PTPRN2: variants seen among roughly 807,000 people sequenced by gnomAD.
PTPRN2 encodes the protein protein tyrosine phosphatase receptor type N2.
PTPRN2 carries 74 observed loss-of-function variants against 118.8 expected under a neutral mutation model. That is an observed-to-expected ratio of 0.62 (90% CI 0.52 to 0.76). PTPRN2 has a LOEUF of 0.76. Ranked by LOEUF, PTPRN2 falls within the 30% of genes least tolerant of loss-of-function variation. The pLI is 0.00. For synonymous variants in PTPRN2, 641 were observed against 608.0 expected (o/e 1.05, Z -0.80); for missense variants, 1,481 against 1,394.4 (o/e 1.06, Z -0.99).
rs1820998319 is a variant in PTPRN2 at position 158,151,064 on chromosome 7, CCTTT to C, written c.911-12553_911-12550del. ...TGCCCCTGCCTGCCCACACTGCCCG[CCTTT>C]CCACTCTTGCCCCTGCCTGCCCAAA... On this transcript the variant is annotated intron_variant, in intron 6 of 22. Transcript: ENST00000389418. 4.1e-5 allele frequency among the ~76,000 whole-genome samples: 5 copies of C among 121,026 alleles called. 1 individual carries two copies. The highest frequency in any genetic ancestry group is 9.9e-5 in the African/African-American group (3 of 30,454). 79.4% of individuals were successfully genotyped at this position (121,026 alleles called of 152,430 possible). A position where few individuals can be genotyped will look rare whatever the true frequency, so the allele number is the denominator to read the frequency against.
chr7:158,560,859 T>A (rs1043120270), intron 1 of PTPRN2, among the ~76,000 whole-genome samples: 3 of 152,262 alleles, frequency 2.0e-5, no homozygotes, highest in African/African-American at 7.2e-5. Context: ...CCCAGCAGGG[T>A]ACAGGTTAAA....
chr7:157,980,223 G>C (rs1397131976), intron 11 of PTPRN2, among the ~76,000 whole-genome samples: 1 of 152,222 alleles, frequency 6.6e-6, no homozygotes, highest in Non-Finnish European at 1.5e-5. Context: ...TGCAGGCTGA[G>C]ATGCAAACTT....
rs1803808239 is a variant in PTPRN2 at position 157,629,518 on chromosome 7, C to T, written c.2197-8009G>A. Among the ~76,000 whole-genome samples the T allele has an allele frequency of 1.3e-5, 2 of 152,144 alleles. No homozygotes were observed. Among genetic ancestry groups the T allele is most frequent in the African/African-American group, 2.4e-5 (1 of 41,438 alleles). On this transcript the variant is annotated intron_variant, in intron 14 of 22. Transcript: ENST00000389418. The surrounding 1 kb of genome is among the most constrained non-coding windows in gnomAD (Gnocchi z 4.4). Reference sequence around the variant, plus strand: ...TATTTAAAAATGAGCAAAAGCCGGTCCATCTGGCATTATTTCTCATCAATC... The same window carrying T: ...TATTTAAAAATGAGCAAAAGCCGGTTCATCTGGCATTATTTCTCATCAATC...
At chr7:158,302,236 G>GT (rs1563106643) in intron 3 of PTPRN2, among the ~76,000 whole-genome samples, 1 of 152,156 alleles carries the variant, frequency 6.6e-6, no homozygotes, top group East Asian at 1.9e-4. Flanking sequence ...TGAGGGCTAG[G>GT]GGTTAGCCGC....
Position 157,987,305 on chromosome 7 carries a change from G to T in PTPRN2, c.1724-88568C>A, listed in dbSNP as rs1803876215. On this transcript the variant is annotated intron_variant, in intron 11 of 22. Coordinates refer to ENST00000389418, the MANE Select transcript of PTPRN2 (RefSeq NM_002847.5). This position sits in a 1 kb window ranked among gnomAD's most constrained non-coding sequence, Gnocchi z 4.3. ...GGGGGCAAGATGACCGGTCACTAAA[G>T]GGGGCGAGGTTACCAGTCACTAAAG... Among the ~76,000 whole-genome samples, 1 of 151,362 alleles carries T rather than the reference G, an allele frequency of 6.6e-6. No individual in the cohort carries two copies. Among genetic ancestry groups the T allele is most frequent in the South Asian group, 2.1e-4 (1 of 4,722 alleles).
Position 158,319,511 on chromosome 7 carries a change from A to C in PTPRN2, c.164-2579T>G, listed in dbSNP as rs1306580417. Among the ~76,000 whole-genome samples the C allele has an allele frequency of 7.0e-5, 5 of 71,318 alleles. 1 individual carries two copies. The highest frequency in any genetic ancestry group is 1.6e-4 in the Admixed American group (1 of 6,160). 46.8% of individuals were successfully genotyped at this position (71,318 alleles called of 152,430 possible). ...CCTCACACTCACACAGCCTCCCCCC[A>C]CACACACAGCCTCCCTCACACACAC... On this transcript the variant is annotated intron_variant, in intron 2 of 22. Coordinates refer to ENST00000389418, the MANE Select transcript of PTPRN2 (RefSeq NM_002847.5).
chr7:158,342,705 A>G lies in PTPRN2; in HGVS notation c.164-25773T>C, dbSNP rs116408203. Among the ~76,000 whole-genome samples, 721 of 152,316 alleles carry G rather than the reference A, an allele frequency of 4.7e-3. 9 individuals are homozygous for G. The highest frequency in any genetic ancestry group is 0.015 in the African/African-American group (631 of 41,560). On this transcript the variant is annotated intron_variant, in intron 2 of 22. Coordinates refer to ENST00000389418, the MANE Select transcript of PTPRN2 (RefSeq NM_002847.5). ...CTGTCATGGTCCCCATTCCATATTCAGAAACTAGAGCCCAGAGAGGTTGGG... is the reference window on the plus strand; with the variant it reads ...CTGTCATGGTCCCCATTCCATATTCGGAAACTAGAGCCCAGAGAGGTTGGG...
At position 158,499,785 on chromosome 7, in the gene PTPRN2, A is replaced by ATGTG. The variant is rs760084326; in HGVS notation, c.113-10004_113-10001dup. 4.5e-3 allele frequency among the ~76,000 whole-genome samples: 644 copies of ATGTG among 143,700 alleles called. 4 individuals carry two copies. The highest frequency in any genetic ancestry group is 0.015 in the African/African-American group (604 of 39,148). The allele number at this position is 143,700 out of a possible 152,430, so 94.3% of individuals were successfully genotyped here. On this transcript the variant is annotated intron_variant, in intron 1 of 22. Transcript: ENST00000389418. ...GACTCCATCTCAAATATATGTGTGT[A>ATGTG]TGTGTGTGTGTGTGTGTGTGTGTAT...
chr7:158,082,072 C>A (rs925832925), intron 10 of PTPRN2, among the ~76,000 whole-genome samples: 1 of 152,302 alleles, frequency 6.6e-6, no homozygotes, highest in Admixed American at 6.5e-5. Flanking sequence ...CCACAGATGA[C>A]AGCCATAGAT....
intron 1 of PTPRN2, among the ~76,000 whole-genome samples, chr7:158,513,478 C>T (rs1586838572): frequency 6.6e-6 from 1 of 152,198 alleles, no homozygotes; most frequent in South Asian, 2.1e-4. Context: ...AGTCACATAA[C>T]AGTCATTGGT....
chr7:157,646,798 C>T (rs186948454), intron 14 of PTPRN2, among the ~76,000 whole-genome samples: 10 of 152,348 alleles, frequency 6.6e-5, no homozygotes, highest in South Asian at 2.1e-4. Flanking sequence ...GGGTCTGCAC[C>T]GGGCCCAAAG....
chr7:158,394,406 C>T (rs1812171256), intron 2 of PTPRN2, among the ~76,000 whole-genome samples: 1 of 152,198 alleles, frequency 6.6e-6, no homozygotes, highest in Non-Finnish European at 1.5e-5. Flanking sequence ...CAGGTGTGTG[C>T]AGGGAACACC....
rs58585226 is a variant in PTPRN2, at chr7:157,861,680, G to A, written c.1788+36993C>T. 0.059 allele frequency among the ~76,000 whole-genome samples: 8,964 copies of A among 152,284 alleles called. 423 individuals are homozygous for A. Among genetic ancestry groups the A allele is most frequent in the African/African-American group, 0.12 (4,904 of 41,530 alleles). ...GGGTTTGGAGACCTTGCTTGGAGGT[G>A]TCTGCAGGGCCTTGAAGGGGACACC... is the stretch of plus-strand genomic sequence containing the variant. On this transcript the variant is annotated intron_variant, in intron 12 of 22. Transcript: ENST00000389418. This position sits in a 1 kb window ranked among gnomAD's most constrained non-coding sequence, Gnocchi z 5.8.
intron 5 of PTPRN2, among the ~76,000 whole-genome samples, chr7:158,170,413 T>C (rs899469988): frequency 2.0e-5 from 3 of 152,180 alleles, no homozygotes; most frequent in Admixed American, 2.0e-4. Context: ...TAAAGTTGAG[T>C]TGGAAGCTCC....
At chr7:158,316,722 C>T in intron 3 of PTPRN2, 97 bp downstream of exon 3, 1 of 870,982 alleles carries the variant, frequency 1.1e-6, no homozygotes, top group South Asian at 1.8e-5. Context: ...CTCGTGGATT[C>T]AGTCCGTCCC....
Position 158,537,072 on chromosome 7 carries a change from G to A in PTPRN2, c.113-47287C>T, listed in dbSNP as rs1432348136. ...AGACTCAGGAGCCCACCCTCTGCTC[G>A]CCCCTGTGAGGTCCCAGTGAGAAGA... is the stretch of plus-strand genomic sequence containing the variant. On this transcript the variant is annotated intron_variant, in intron 1 of 22. Transcript: ENST00000389418. Among the ~76,000 whole-genome samples the A allele has an allele frequency of 5.3e-5, 8 of 152,148 alleles. No homozygotes were observed. In the South Asian group the frequency reaches 6.2e-4, roughly 12 times the overall value.
chr7:157,763,051 C>G lies in PTPRN2; in HGVS notation c.1789-80114G>C, dbSNP rs943911676. On this transcript the variant is annotated intron_variant, in intron 12 of 22. Transcript: ENST00000389418. The surrounding 1 kb of genome is among the most constrained non-coding windows in gnomAD (Gnocchi z 4.9). ...ACTCACAGTCGGTCACAGGGCTAAC[C>G]CTCCATCAGAGCCCACGGCCGCCCA... is the stretch of plus-strand genomic sequence containing the variant. Among the ~76,000 whole-genome samples the G allele has an allele frequency of 6.6e-6, 1 of 151,842 alleles. No homozygotes were observed. Among genetic ancestry groups the G allele is most frequent in the South Asian group, 2.1e-4 (1 of 4,814 alleles).
At chr7:157,648,712 ACT>A (rs1805338750) in intron 14 of PTPRN2, among the ~76,000 whole-genome samples, 1 of 144,732 alleles carries the variant, frequency 6.9e-6, no homozygotes, top group Non-Finnish European at 1.5e-5. Flanking sequence ...AGACCCATTC[ACT>A]GTGCACTGAA....
In PTPRN2 at chr7:157,780,460, G is replaced by A. The variant is rs1046718730; in HGVS notation, c.1789-97523C>T. The stretch of plus-strand genomic sequence containing the variant: ...GAGGGGCCGTGCTGCTGGATCAGAT[G>A]GCGGAACACGGCCCAGAGCAACTGA... On this transcript the variant is annotated intron_variant, in intron 12 of 22. Coordinates refer to ENST00000389418, the MANE Select transcript of PTPRN2 (RefSeq NM_002847.5). This position sits in a 1 kb window ranked among gnomAD's most constrained non-coding sequence, Gnocchi z 4.5. Among the ~76,000 whole-genome samples the A allele has an allele frequency of 2.0e-5, 3 of 152,226 alleles. No individual in the cohort carries two copies. The highest frequency in any genetic ancestry group is 4.4e-5 in the Non-Finnish European group (3 of 68,040).
Sources: allele counts gnomAD v4.1 joint callset (sites outside exome capture counted in the v4.1 genomes callset), GRCh38; gene constraint gnomAD v4.1.1; non-coding constraint Gnocchi (gnomAD v3.1); transcripts MANE v1.5; gene names NCBI Gene and HGNC (gene_info 2026-07-23, HGNC 2026-07-21).